Variants in HESX1 observed in about 807,000 individuals in gnomAD.
HESX1 encodes the protein HESX homeobox 1.
A neutral mutation model predicts 22.5 loss-of-function variants in HESX1; 11 were observed. The observed-to-expected ratio is 0.49, with a 90% CI of 0.31 to 0.81. HESX1 has a LOEUF of 0.81. Ranked by LOEUF, HESX1 falls within the 30% of genes least tolerant of loss-of-function variation. HESX1 has a pLI of 0.05. For synonymous variants in HESX1, 74 were observed against 76.5 expected, an observed-to-expected ratio of 0.97 and a Z score of 0.17; for missense variants, 201 against 212.6, an observed-to-expected ratio of 0.95 and a Z score of 0.34.
upstream of HESX1, among the ~76,000 whole-genome samples, chr3:57,227,420 A>G (rs1013967675): frequency 6.6e-6 from 1 of 152,208 alleles, no homozygotes; most frequent in Admixed American, 6.5e-5. Context: ...CTCTGACAAA[A>G]TATGTTGCGG....
At chr3:57,202,807 G>A (rs892634574), upstream of HESX1, among the ~76,000 whole-genome samples, 3 of 152,324 alleles carry the variant, frequency 2.0e-5, no homozygotes, top group East Asian at 5.8e-4. Flanking sequence ...AAAATACAGA[G>A]GTCGATGGTC....
upstream of HESX1, among the ~76,000 whole-genome samples, chr3:57,227,474 G>C (rs911430328): frequency 6.6e-6 from 1 of 152,234 alleles, no homozygotes; most frequent in African/African-American, 2.4e-5. Context: ...GCCCTAACTC[G>C]AGGCTCTGGC....
At chr3:57,205,859 T>C (rs1395417857) in intron 1 of HESX1, among the ~76,000 whole-genome samples, 1 of 152,162 alleles carries the variant, frequency 6.6e-6, no homozygotes, top group African/African-American at 2.4e-5. Context: ...TTCCTCTCTA[T>C]AGGATTTTTT....
At chr3:57,220,351 T>C (rs1466431300) in intron 1 of HESX1, among the ~76,000 whole-genome samples, 1 of 152,258 alleles carries the variant, frequency 6.6e-6, no homozygotes, top group Non-Finnish European at 1.5e-5. Flanking sequence ...ATCACTAATG[T>C]AGTCTTTTCC....
chr3:57,204,811 A>T (rs991425102), upstream of HESX1, among the ~76,000 whole-genome samples: 6 of 152,102 alleles, frequency 3.9e-5, no homozygotes, highest in African/African-American at 1.4e-4. Flanking sequence ...AAAAAAAAAA[A>T]AAAATTACTC....
upstream of HESX1, chr3:57,200,060 G>T: frequency 1.4e-6 from 1 of 720,828 alleles, no homozygotes; most frequent in Non-Finnish European, 2.4e-6. Context: ...TTAAAATCCT[G>T]TCTTAGAAAG....
At chr3:57,214,287 T>G (rs751820650) in intron 1 of HESX1, among the ~76,000 whole-genome samples, 19 of 152,214 alleles carry the variant, frequency 1.2e-4, no homozygotes, top group Non-Finnish European at 2.5e-4. Context: ...TCTCTCTACT[T>G]TTGTAAATAT....
chr3:57,199,343 G>C (rs1001658191), intron 1 of HESX1, among the ~76,000 whole-genome samples: 5 of 152,162 alleles, frequency 3.3e-5, no homozygotes, highest in Admixed American at 2.0e-4. Flanking sequence ...CTCTGGCTGG[G>C]CGTGGTGGGT....
intron 2 of HESX1, 29 bp from the exon 3 acceptor site, chr3:57,198,521 ATGTCTCCAAAAAT>A: frequency 7.4e-7 from 1 of 1,344,286 alleles, no homozygotes; most frequent in Non-Finnish European, 1.1e-6. Context: ...GATATTCAGT[ATGTCTCCAAAAAT>A]GAGCTTTAAT....
At chr3:57,215,305 C>T (rs1045735323) in intron 1 of HESX1, among the ~76,000 whole-genome samples, 5 of 151,830 alleles carry the variant, frequency 3.3e-5, no homozygotes, top group Admixed American at 6.6e-5. Context: ...TAGGGAGGTA[C>T]GAGAATTCTC....
intron 1 of HESX1, among the ~76,000 whole-genome samples, chr3:57,216,920 G>C (rs2060585772): frequency 6.6e-6 from 1 of 152,002 alleles, no homozygotes; most frequent in Non-Finnish European, 1.5e-5. Flanking sequence ...ATTTATATCA[G>C]TATGGACTCA....
intron 1 of HESX1, among the ~76,000 whole-genome samples, chr3:57,218,863 T>G (rs2060599211): frequency 6.6e-6 from 1 of 152,244 alleles, no homozygotes; most frequent in Non-Finnish European, 1.5e-5. Context: ...TTGTGACTAG[T>G]GCTGCAATGA....
In HESX1 at chr3:57,214,154, T is replaced by G. The variant is rs1218978997; in HGVS notation, c.-111+12142A>C. 2.0e-5 allele frequency among the ~76,000 whole-genome samples: 3 copies of G among 152,168 alleles called. No homozygotes were observed. In the East Asian group the frequency reaches 5.8e-4, roughly 29 times the overall value. ...TGAAGTATTTACAGGTGAAATTTCA[T>G]GATGTCTGGGTTTTGCTTTCAAATA... On this transcript the variant is annotated intron_variant, in intron 1 of 2. Coordinates refer to the HESX1 transcript ENST00000495160.
At chr3:57,199,444 C>A (rs1358077307) in intron 1 of HESX1, among the ~76,000 whole-genome samples, 1 of 151,750 alleles carries the variant, frequency 6.6e-6, no homozygotes, top group East Asian at 1.9e-4. Flanking sequence ...CAGGGTGAAA[C>A]CCCCCTCTAC....
intron 1 of HESX1, among the ~76,000 whole-genome samples, chr3:57,208,111 T>C (rs1186091196): frequency 6.6e-6 from 1 of 152,172 alleles, no homozygotes; most frequent in Non-Finnish European, 1.5e-5. Flanking sequence ...GTGGGGGTGA[T>C]GGCAGGGACT....
At chr3:57,201,013 C>G (rs536331045), upstream of HESX1, among the ~76,000 whole-genome samples, 5 of 152,298 alleles carry the variant, frequency 3.3e-5, no homozygotes, top group South Asian at 1.0e-3. Flanking sequence ...TTATACTCTG[C>G]TCCTCCTCTT....
chr3:57,199,623 A>C, intron 1 of HESX1, 139 bp downstream of exon 1: 1 of 441,194 alleles, frequency 2.3e-6, no homozygotes, highest in Non-Finnish European at 3.3e-6. Context: ...CTGTCTCAGA[A>C]AAAAAAAAAA....
chr3:57,212,004 T>C (rs1045611101), intron 1 of HESX1, among the ~76,000 whole-genome samples: 1 of 152,156 alleles, frequency 6.6e-6, no homozygotes, highest in Admixed American at 6.6e-5. Flanking sequence ...TTTCATACAG[T>C]CTTCGATCTC....
chr3:57,223,424 T>C (rs1308759253), intron 1 of HESX1, among the ~76,000 whole-genome samples: 1 of 152,176 alleles, frequency 6.6e-6, no homozygotes, highest in East Asian at 1.9e-4. Context: ...AAGTTGAAGC[T>C]GCAGAATTGT....
Sources: gnomAD v4.1 joint callset for allele counts (sites outside exome capture counted in the v4.1 genomes callset) on GRCh38, gnomAD v4.1.1 for gene constraint, MANE v1.5 for transcripts, NCBI Gene and HGNC (gene_info 2026-07-23, HGNC 2026-07-21) for gene names.